TSPAN6: variants seen among roughly 807,000 people sequenced by gnomAD.
The protein encoded by TSPAN6 is tetraspanin 6, also known as tetraspanin-6.
Under a neutral mutation model 18.0 loss-of-function variants are expected in TSPAN6, and 13 were observed. That is an observed-to-expected ratio of 0.72 (90% CI 0.47 to 1.15). TSPAN6 has a LOEUF of 1.15. TSPAN6 is among the 50% of genes most tolerant of loss of function. The pLI, the probability that TSPAN6 is intolerant of heterozygous loss-of-function variation, is 0.00. For synonymous variants in TSPAN6, 82 were observed against 67.0 expected, an observed-to-expected ratio of 1.22 and a Z score of -1.09; for missense variants, 186 against 183.9, an observed-to-expected ratio of 1.01 and a Z score of -0.07.
At chrX:100,630,899 T>C (rs377381289) in intron 6 of TSPAN6, 33 bp from the exon 7 acceptor site, 37 of 1,053,168 alleles carry the variant, frequency 3.5e-5, no homozygotes, top group African/African-American at 5.5e-5. Context: ...ATTAAATACA[T>C]ACACAAAAGA....
chrX:100,632,275 C>G (rs761722115), intron 6 of TSPAN6, among the ~76,000 whole-genome samples: 13 of 110,803 alleles, frequency 1.2e-4, no homozygotes, highest in Admixed American at 1.9e-4. Context: ...GGCATGGTGG[C>G]GCACACCTGT....
intron 5 of TSPAN6, 21 bp from the exon 6 acceptor site, chrX:100,632,589 A>C: frequency 9.3e-7 from 1 of 1,072,765 alleles, no homozygotes. Flanking sequence ...GAAAAAAACA[A>C]AGATTAAATA....
In TSPAN6 at chrX:100,628,400, T is replaced by A. The variant is rs1463103608; in HGVS notation, c.*1626A>T. ...AACACATACTCAAAATTCATGATCA[T>A]TTAACTAGTAGTTTTTGCCCAGGTT... On this transcript the variant is annotated 3_prime_UTR_variant, in exon 8 of 8. Transcript: ENST00000373020. The A allele has an allele frequency of 1.8e-5, 2 of 111,763 alleles. No individual in the cohort carries two copies. Among genetic ancestry groups the A allele is most frequent in the African/African-American group, 3.3e-5 (1 of 30,726 alleles). The allele number at this position is 111,763 out of a possible 1,213,427, so 9.2% of individuals were successfully genotyped here. A position where few individuals can be genotyped will look rare whatever the true frequency, so the allele number is the denominator to read the frequency against.
In TSPAN6 at chrX:100,632,502, C is replaced by T; in HGVS notation, c.652G>A (p.Gly218Arg). 8.3e-7 allele frequency: 1 copy of T among 1,202,235 alleles called. No homozygotes were observed. The highest frequency in any genetic ancestry group is 1.1e-6 in the Non-Finnish European group (1 of 888,772). The stretch of plus-strand genomic sequence containing the variant: ...AAACTTACTTGGAAGCAAGCAACTC[C>T]AAAGGAAATTCCTGCAACGACTCCC... The part of the protein sequence containing the change: ...EMGVVAGISF[G>R]VACFQLIGIF... Residue 218 changes from glycine (G) to arginine (R), a missense_variant, in exon 6 of 8, where the codon GGA becomes AGA. Transcript: ENST00000373020.
chrX:100,630,613 C>T, intron 7 of TSPAN6, 146 bp downstream of exon 7: 1 of 441,318 alleles, frequency 2.3e-6, no homozygotes, highest in Non-Finnish European at 3.9e-6. Context: ...AGAGACCTAA[C>T]CTGCCTACAC....
intron 3 of TSPAN6, among the ~76,000 whole-genome samples, chrX:100,634,489 A>C (rs1242714347): frequency 9.1e-6 from 1 of 110,413 alleles, no homozygotes; most frequent in Non-Finnish European, 1.9e-5. Flanking sequence ...TTTCTAATTC[A>C]GTATTAAGCT....
chrX:100,628,498 C>T lies in TSPAN6; in HGVS notation c.*1528G>A, dbSNP rs1468541985. 1 of 111,779 alleles carries T rather than the reference C, an allele frequency of 8.9e-6. No homozygotes were observed. The highest frequency in any genetic ancestry group is 1.9e-5 in the Non-Finnish European group (1 of 53,161). 9.2% of individuals were successfully genotyped at this position (111,779 alleles called of 1,213,427 possible). ...TGGCAATCAGACTAGACAGGTTCTACTAATGGATGTATAAAGAGACTCAAA... is the reference window on the plus strand; with the variant it reads ...TGGCAATCAGACTAGACAGGTTCTATTAATGGATGTATAAAGAGACTCAAA... On this transcript the variant is annotated 3_prime_UTR_variant, in exon 8 of 8. Coordinates refer to ENST00000373020, the MANE Select transcript of TSPAN6 (RefSeq NM_003270.4).
rs774351966 is a variant in TSPAN6 at position 100,635,624 on chromosome X, G to A, written c.210C>T (p.Val70=). The part of the protein sequence containing the change: ...VPFVLIATGT[V]IILLGTFGCF... ...AACCAAAGGTGCCCAAAAGAATAAT[G>A]ACGGTACCAGTAGCAATGAGCACGA... is the stretch of plus-strand genomic sequence containing the variant. Residue 70 remains valine (V), a synonymous_variant, in exon 2 of 8, where the codon GTC becomes GTT. Coordinates refer to ENST00000373020, the MANE Select transcript of TSPAN6 (RefSeq NM_003270.4). The A allele has an allele frequency of 8.3e-7, 1 of 1,202,923 alleles. No individual in the cohort carries two copies.
intron 1 of TSPAN6, chrX:100,636,063 G>C (rs2083092910): frequency 1.7e-6 from 1 of 579,305 alleles, no homozygotes; most frequent in South Asian, 9.5e-5. Flanking sequence ...AAAAAAAAAC[G>C]TGATTTTATG....
chrX:100,633,623 G>T, intron 4 of TSPAN6, 84 bp from the exon 5 acceptor site: 1 of 968,483 alleles, frequency 1.0e-6, no homozygotes, highest in Non-Finnish European at 1.4e-6. Context: ...ATTGCAATTT[G>T]TGCTCAAAAC....
intron 5 of TSPAN6, among the ~76,000 whole-genome samples, chrX:100,632,838 T>C (rs968394398): frequency 1.8e-5 from 2 of 111,388 alleles, no homozygotes; most frequent in African/African-American, 6.5e-5. Flanking sequence ...AAAGTGTTAC[T>C]TCACTTGAAC....
rs2083076510 is a variant in TSPAN6 at position 100,633,858 on chromosome X, A to G, written c.450+73T>C. 4 of 744,761 alleles carry G rather than the reference A, an allele frequency of 5.4e-6. No individual in the cohort carries two copies. In the African/African-American group the frequency reaches 8.8e-5, roughly 16 times the overall value. The allele number at this position is 744,761 out of a possible 1,213,427, so 61.4% of individuals were successfully genotyped here. Reference sequence around the variant, plus strand: ...TTTCCCCTACAGGTGGATAACATCTAGTAGCCAGACTCTGCTCTTTTCTCT... The same window carrying G: ...TTTCCCCTACAGGTGGATAACATCTGGTAGCCAGACTCTGCTCTTTTCTCT... On this transcript the variant is annotated intron_variant, in intron 4 of 7. Coordinates refer to ENST00000373020, the MANE Select transcript of TSPAN6 (RefSeq NM_003270.4).
chrX:100,635,319 A>C, intron 2 of TSPAN6, 67 bp from the exon 3 acceptor site: 1 of 842,037 alleles, frequency 1.2e-6, no homozygotes, highest in Middle Eastern at 2.8e-4. Flanking sequence ...AAGGGAGTCA[A>C]AGAAAAAATA....
intron 1 of TSPAN6, chrX:100,636,265 G>GGCAAGC: frequency 1.2e-6 from 1 of 837,233 alleles, no homozygotes. Flanking sequence ...AAAGGGGCCG[G>GGCAAGC]GCAAGCCTTG....
chrX:100,635,891 G>T (rs973987014), intron 1 of TSPAN6, 145 bp from the exon 2 acceptor site: 1 of 431,419 alleles, frequency 2.3e-6, no homozygotes, highest in Non-Finnish European at 3.6e-6. Context: ...GGGGTTAGGG[G>T]GGGATCTGCA....
chrX:100,636,812 G>A (rs1309822139), upstream of TSPAN6: 1 of 821,415 alleles, frequency 1.2e-6, no homozygotes, highest in Non-Finnish European at 1.7e-6. Flanking sequence ...CAACTGAGAA[G>A]GGCCGGAAAC....
intron 6 of TSPAN6, chrX:100,632,026 G>A (rs2083062986): frequency 1.5e-5 from 2 of 132,050 alleles, no homozygotes; most frequent in Non-Finnish European, 3.0e-5. Flanking sequence ...ACTGTGACCA[G>A]TAACTGAGAG....
chrX:100,634,055 T>C (rs1851105315), intron 3 of TSPAN6, 26 bp from the exon 4 acceptor site: 1 of 1,097,640 alleles, frequency 9.1e-7, no homozygotes, highest in South Asian at 1.9e-5. Flanking sequence ...ACAATGTCAG[T>C]AAGAAAATCC....
chrX:100,628,025 TG>T lies in TSPAN6; in HGVS notation c.*2000del, dbSNP rs1024962507. ...CGGTGTTTTACCATGTTGGCCAGGC[TG>T]GTCTAGAACTCCTGACCTCAGGTGA... On this transcript the variant is annotated 3_prime_UTR_variant, in exon 8 of 8. Coordinates refer to ENST00000373020, the MANE Select transcript of TSPAN6 (RefSeq NM_003270.4). 7 of 110,833 alleles carry T rather than the reference TG, an allele frequency of 6.3e-5. 1 individual carries two copies. The highest frequency in any genetic ancestry group is 2.3e-4 in the African/African-American group (7 of 30,439). 9.1% of individuals were successfully genotyped at this position (110,833 alleles called of 1,213,427 possible).
Sources: allele counts gnomAD v4.1 joint callset (sites outside exome capture counted in the v4.1 genomes callset), GRCh38; gene constraint gnomAD v4.1.1; transcripts MANE v1.5; gene names NCBI Gene and HGNC (gene_info 2026-07-23, HGNC 2026-07-21).